The following EYS variants were observed in gnomAD, a reference collection of about 807,000 sequenced individuals.
EYS encodes the protein EGF-like photoreceptor maintenance factor, also known as protein eyes shut homolog.
Under a neutral mutation model 282.1 loss-of-function variants are expected in EYS, and 250 were observed. The ratio of observed to expected loss-of-function variants is 0.89; its 90% CI spans 0.80 to 0.98. The LOEUF is 0.98. EYS is among the 50% of genes least tolerant of loss of function. The pLI is 0.00. For synonymous variants in EYS, 1,355 were observed against 1,282.9 expected, an observed-to-expected ratio of 1.06 and a Z score of -1.20; for missense variants, 4,016 against 3,709.0, an observed-to-expected ratio of 1.08 and a Z score of -2.15.
intron 2 of EYS, among the ~76,000 whole-genome samples, chr6:65,566,265 A>T (rs1769276911): frequency 6.6e-6 from 1 of 152,078 alleles, no homozygotes; most frequent in Non-Finnish European, 1.5e-5. Context: ...TTTCCCCAAG[A>T]GAGCATGCCT....
In EYS at chr6:64,681,930, A is replaced by C. The variant is rs1462101713; in HGVS notation, c.3444-55685T>G. Among the ~76,000 whole-genome samples the C allele has an allele frequency of 3.9e-5, 6 of 152,084 alleles. No homozygotes were observed. In the South Asian group the frequency reaches 1.2e-3, roughly 32 times the overall value. ...CATGTTTTTGCAACATTTGCTTATCATCCTTGTGACTTAACAGCTGCGCTA... is the reference window on the plus strand; with the variant it reads ...CATGTTTTTGCAACATTTGCTTATCCTCCTTGTGACTTAACAGCTGCGCTA... On this transcript the variant is annotated intron_variant, in intron 22 of 42. Transcript: ENST00000503581.
chr6:64,123,312 T>C (rs1424978486), intron 31 of EYS, among the ~76,000 whole-genome samples: 6 of 152,342 alleles, frequency 3.9e-5, no homozygotes, highest in South Asian at 2.1e-4. Context: ...AAAAATACTA[T>C]GTTATCTCTC....
intron 31 of EYS, among the ~76,000 whole-genome samples, chr6:64,106,646 C>CTGTG: frequency 7.2e-6 from 1 of 139,692 alleles, no homozygotes; most frequent in East Asian, 2.3e-4. Flanking sequence ...GTGTGTGTGT[C>CTGTG]TGTGTGTGTG....
chr6:64,309,594 T>A (rs1582574787), intron 29 of EYS, among the ~76,000 whole-genome samples: 1 of 10,568 alleles, frequency 9.5e-5, no homozygotes, highest in African/African-American at 1.9e-3. Context: ...CAAACAACCT[T>A]CTTATAAAAA....
At chr6:65,331,216 G>T in intron 11 of EYS, 1 of 723,382 alleles carries the variant, frequency 1.4e-6, no homozygotes, top group Non-Finnish European at 1.7e-6. Context: ...CATTAAATGT[G>T]TGAATTAATT....
In EYS at chr6:64,639,246, T is replaced by A. The variant is rs2149869103; in HGVS notation, c.3444-13001A>T. On this transcript the variant is annotated intron_variant, in intron 22 of 42. Transcript: ENST00000503581. ...TTTTACCTAACTTACCTTAATTACC[T>A]CTTTAAGAGACCTGTCTCCAGTCAC... is the stretch of plus-strand genomic sequence containing the variant. Among the ~76,000 whole-genome samples, 2 of 90,544 alleles carry A rather than the reference T, an allele frequency of 2.2e-5. 1 individual carries two copies. The highest frequency in any genetic ancestry group is 8.6e-5 in the African/African-American group (2 of 23,384). The allele number at this position is 90,544 out of a possible 152,430, so 59.4% of individuals were successfully genotyped here. A position where few individuals can be genotyped will look rare whatever the true frequency, so the allele number is the denominator to read the frequency against.
chr6:64,200,870 C>A (rs752841645), intron 31 of EYS, among the ~76,000 whole-genome samples: 3 of 152,068 alleles, frequency 2.0e-5, no homozygotes, highest in Non-Finnish European at 2.9e-5. Flanking sequence ...TCTCCAAAGG[C>A]TTTGGGATAG....
chr6:64,124,500 C>T (rs574342459), intron 31 of EYS, among the ~76,000 whole-genome samples: 1 of 152,302 alleles, frequency 6.6e-6, no homozygotes, highest in African/African-American at 2.4e-5. Context: ...ACTGAGTGAT[C>T]ATTTCTACAG....
At chr6:64,111,609 G>A (rs1773207569) in intron 31 of EYS, among the ~76,000 whole-genome samples, 1 of 152,052 alleles carries the variant, frequency 6.6e-6, no homozygotes, top group South Asian at 2.1e-4. Context: ...GAGATAGGGA[G>A]AGAAGGCTGA....
chr6:63,726,572 A>G lies in EYS; in HGVS notation c.8180T>C (p.Leu2727Pro). ...KTHIQLQFQP[L>P]AADGILFYAA... ...ATAAAATAGGATACCATCTGCAGCGAGAGGCTGAAACTGCAATTGAATATG... is the reference window on the plus strand; with the variant it reads ...ATAAAATAGGATACCATCTGCAGCGGGAGGCTGAAACTGCAATTGAATATG... The change falls in exon 42 of 43, where the codon CTC becomes CCC. Residue 2727 changes from leucine to proline, a missense_variant. Coordinates refer to ENST00000503581, the MANE Select transcript of EYS (RefSeq NM_001142800.2). 6.4e-7 allele frequency: 1 copy of G among 1,551,466 alleles called. No individual in the cohort carries two copies. Among genetic ancestry groups the G allele is most frequent in the East Asian group, 2.4e-5 (1 of 40,894 alleles).
chr6:64,695,004 C>G (rs1770525069), intron 22 of EYS, among the ~76,000 whole-genome samples: 1 of 152,066 alleles, frequency 6.6e-6, no homozygotes, highest in Non-Finnish European at 1.5e-5. Context: ...CCCTCTTTCC[C>G]CATGCTGCAT....
chr6:65,082,655 T>C (rs1774258611), intron 12 of EYS, among the ~76,000 whole-genome samples: 1 of 152,038 alleles, frequency 6.6e-6, no homozygotes, highest in Non-Finnish European at 1.5e-5. Flanking sequence ...GCATTTTTCC[T>C]ACACTCTGTG....
Position 64,968,668 on chromosome 6 carries a change from G to T in EYS, c.2260-22754C>A, listed in dbSNP as rs117000127. 4.2e-4 allele frequency among the ~76,000 whole-genome samples: 64 copies of T among 152,158 alleles called. No homozygotes were observed. The East Asian group carries it at 0.012, about 29-fold the overall frequency. On this transcript the variant is annotated intron_variant, in intron 14 of 42. Transcript: ENST00000503581. ...AATTCTGCTTGTCAAAAGCTGGATT[G>T]CCTACTCCATGTTTATTTTCTTTAC...
chr6:64,135,727 G>T (rs1416849812), intron 31 of EYS, among the ~76,000 whole-genome samples: 6 of 152,016 alleles, frequency 3.9e-5, no homozygotes, highest in African/African-American at 1.4e-4. Flanking sequence ...GTTTAAGTAT[G>T]CAATATAATT....
intron 12 of EYS, among the ~76,000 whole-genome samples, chr6:65,149,557 A>G (rs1349180504): frequency 6.6e-6 from 1 of 151,330 alleles, no homozygotes; most frequent in African/African-American, 2.4e-5. Context: ...TACCTGTTAC[A>G]AAGCTGCTTC....
At chr6:64,547,160 G>A (rs1582879076) in intron 26 of EYS, among the ~76,000 whole-genome samples, 1 of 152,132 alleles carries the variant, frequency 6.6e-6, no homozygotes, top group South Asian at 2.1e-4. Context: ...TGGACCCAAA[G>A]AGTGAGCAGC....
intron 11 of EYS, among the ~76,000 whole-genome samples, chr6:65,325,997 C>T (rs557316478): frequency 1.3e-5 from 2 of 152,158 alleles, no homozygotes; most frequent in East Asian, 3.9e-4. Context: ...CTCTCCCATG[C>T]TCTTTGTTCC....
chr6:65,178,294 C>T lies in EYS; in HGVS notation c.2023+117569G>A, dbSNP rs75603533. 9.8e-3 allele frequency among the ~76,000 whole-genome samples: 1,495 copies of T among 152,068 alleles called. 25 individuals carry two copies. Among genetic ancestry groups the T allele is most frequent in the African/African-American group, 0.034 (1,412 of 41,540 alleles). ...CCCTTGCAACGTACTGTTCCCTTTTCTCTAATAAATCTGTCTTTCTAAACT... is the reference window on the plus strand; with the variant it reads ...CCCTTGCAACGTACTGTTCCCTTTTTTCTAATAAATCTGTCTTTCTAAACT... On this transcript the variant is annotated intron_variant, in intron 12 of 42. Coordinates refer to ENST00000503581, the MANE Select transcript of EYS (RefSeq NM_001142800.2).
At chr6:64,286,744 T>C (rs1474311490) in intron 30 of EYS, among the ~76,000 whole-genome samples, 1 of 152,162 alleles carries the variant, frequency 6.6e-6, no homozygotes, top group African/African-American at 2.4e-5. Context: ...TTCTGAATAT[T>C]ATCACTTTAC....
Sources: allele counts gnomAD v4.1 joint callset (sites outside exome capture counted in the v4.1 genomes callset), GRCh38; gene constraint gnomAD v4.1.1; transcripts MANE v1.5; gene names NCBI Gene and HGNC (gene_info 2026-07-23, HGNC 2026-07-21).